The following TMEM40 variants were observed in gnomAD, a reference collection of about 807,000 sequenced individuals.
TMEM40 encodes transmembrane protein 40.
A neutral mutation model predicts 40.8 loss-of-function variants in TMEM40; 34 were observed. That is an observed-to-expected ratio of 0.83 (90% confidence interval 0.63 to 1.11). The LOEUF is 1.11. Ranked by LOEUF, TMEM40 falls within the 50% of genes least tolerant of loss-of-function variation. TMEM40 has a pLI of 0.00. For synonymous variants in TMEM40, 106 were observed against 107.0 expected (o/e 0.99, Z 0.06); for missense variants, 296 against 280.2 (o/e 1.06, Z -0.40).
chr3:12,755,458 A>G (rs2061520372), intron 1 of TMEM40, among the ~76,000 whole-genome samples: 1 of 151,548 alleles, frequency 6.6e-6, no homozygotes, highest in Non-Finnish European at 1.5e-5. Flanking sequence ...GCCTCAATAT[A>G]TAAAATAATA....
chr3:12,735,002 G>C (rs928516583), intron 11 of TMEM40, among the ~76,000 whole-genome samples: 1 of 152,158 alleles, frequency 6.6e-6, no homozygotes, highest in African/African-American at 2.4e-5. Flanking sequence ...CCCCAGCACA[G>C]CCACACAGCC....
At chr3:12,767,652 C>G (rs2061600195) in intron 1 of TMEM40, among the ~76,000 whole-genome samples, 1 of 152,172 alleles carries the variant, frequency 6.6e-6, no homozygotes, top group African/African-American at 2.4e-5. Flanking sequence ...ATGGGCAAGA[C>G]TCCTCTGAAC....
chr3:12,760,340 A>G (rs1457215099), upstream of TMEM40, among the ~76,000 whole-genome samples: 1 of 151,982 alleles, frequency 6.6e-6, no homozygotes, highest in Non-Finnish European at 1.5e-5. Context: ...AAGGTCTTAC[A>G]AGCCCCTGCG....
chr3:12,737,503 C>A (rs866596595), intron 8 of TMEM40: 2 of 609,978 alleles, frequency 3.3e-6, no homozygotes, highest in African/African-American at 1.9e-5. Context: ...CACTCCCCAA[C>A]CTTGAACCTC....
chr3:12,763,196 G>C (rs945858742), upstream of TMEM40, among the ~76,000 whole-genome samples: 1 of 149,776 alleles, frequency 6.7e-6, no homozygotes, highest in African/African-American at 2.5e-5. Flanking sequence ...TTAAATGCCT[G>C]GCACATAGTA....
At chr3:12,745,669 G>A (rs981812946) in intron 3 of TMEM40, among the ~76,000 whole-genome samples, 8 of 152,028 alleles carry the variant, frequency 5.3e-5, no homozygotes, top group African/African-American at 1.9e-4. Flanking sequence ...CGCTGGTCTC[G>A]AACTCCTGGA....
chr3:12,749,262 G>A (rs1181398667), intron 2 of TMEM40, among the ~76,000 whole-genome samples: 1 of 152,122 alleles, frequency 6.6e-6, no homozygotes, highest in East Asian at 1.9e-4. Flanking sequence ...CTGACCTTCT[G>A]ATCTGCCCGC....
rs182730167 is a variant in TMEM40 at position 12,749,562 on chromosome 3, T to A, written c.73+198A>T. On this transcript the variant is annotated intron_variant, in intron 2 of 11. Coordinates refer to ENST00000314124, the MANE Select transcript of TMEM40 (RefSeq NM_018306.4). Reference sequence around the variant, plus strand: ...TTTGGCAAGCAGCTGAGGGTCCCCATAGCTAGACAGCACAGGAGGACAGAT... The same window carrying A: ...TTTGGCAAGCAGCTGAGGGTCCCCAAAGCTAGACAGCACAGGAGGACAGAT... Among the ~76,000 whole-genome samples the A allele has an allele frequency of 2.2e-3, 330 of 152,296 alleles. 1 individual carries two copies. Among genetic ancestry groups the A allele is most frequent in the African/African-American group, 7.4e-3 (308 of 41,576 alleles).
chr3:12,767,816 A>G (rs2061600968), intron 1 of TMEM40, among the ~76,000 whole-genome samples: 1 of 152,096 alleles, frequency 6.6e-6, no homozygotes, highest in African/African-American at 2.4e-5. Flanking sequence ...TACTGGGGCT[A>G]GTTTGTGTCC....
intron 1 of TMEM40, among the ~76,000 whole-genome samples, chr3:12,754,890 A>T (rs2061506974): frequency 6.6e-6 from 1 of 152,202 alleles, no homozygotes; most frequent in Non-Finnish European, 1.5e-5. Flanking sequence ...TACCTTGAGG[A>T]AGTCACCAGA....
Position 12,736,800 on chromosome 3 carries a change from T to A in TMEM40, c.508A>T (p.Ile170Phe), listed in dbSNP as rs550278148. The change falls in exon 9 of 12, where the codon ATC becomes TTC. Residue 170 changes from isoleucine (I) to phenylalanine (F), a missense_variant. Physicochemically the swap from Ile to Phe is conservative, Grantham distance 21. Coordinates refer to ENST00000314124, the MANE Select transcript of TMEM40 (RefSeq NM_018306.4). ...FFHFVLLCFA[I>F]GALLVCYHYY... ...TGATAACACACCAGCAAGGCCCCGA[T>A]GGCAAAGCACAGGAGGACGAAATGG... The A allele has an allele frequency of 1.2e-6, 2 of 1,613,988 alleles. No homozygotes were observed. Among genetic ancestry groups the A allele is most frequent in the African/African-American group, 2.7e-5 (2 of 74,904 alleles).
intron 1 of TMEM40, among the ~76,000 whole-genome samples, chr3:12,751,858 AC>A (rs2106617349): frequency 6.6e-6 from 1 of 152,162 alleles, no homozygotes; most frequent in East Asian, 1.9e-4. Context: ...TGTCAGATAG[AC>A]CGAAGTTTAC....
At chr3:12,764,513 T>C (rs1355521697) in intron 1 of TMEM40, among the ~76,000 whole-genome samples, 1 of 152,214 alleles carries the variant, frequency 6.6e-6, no homozygotes, top group Non-Finnish European at 1.5e-5. Context: ...CTTAAATCCA[T>C]GTTTGAAGTG....
intron 1 of TMEM40, among the ~76,000 whole-genome samples, chr3:12,758,018 T>C (rs996493038): frequency 3.3e-5 from 5 of 151,736 alleles, no homozygotes; most frequent in African/African-American, 4.8e-5. Context: ...TTATACACTT[T>C]TAAAGGGTGA....
At chr3:12,736,518 T>C (rs1012522463) in intron 10 of TMEM40, 60 bp downstream of exon 10, 2 of 1,525,294 alleles carry the variant, frequency 1.3e-6, no homozygotes, top group African/African-American at 2.8e-5. Context: ...AAAATGAATA[T>C]TTCTACCCAC....
intron 8 of TMEM40, 143 bp from the exon 9 acceptor site, chr3:12,736,978 A>C (rs1047491328): frequency 2.9e-5 from 31 of 1,052,966 alleles, no homozygotes; most frequent in Middle Eastern, 2.7e-4. Flanking sequence ...TCCTGGGCTT[A>C]AGCAATTCTC....
At chr3:12,758,264 C>A (rs1404439486) in intron 1 of TMEM40, among the ~76,000 whole-genome samples, 5 of 152,168 alleles carry the variant, frequency 3.3e-5, no homozygotes, top group Non-Finnish European at 7.3e-5. Context: ...TAGGGCTACA[C>A]TAGCTTGAGT....
intron 11 of TMEM40, 40 bp from the exon 12 acceptor site, chr3:12,734,833 G>A: frequency 6.3e-7 from 1 of 1,584,718 alleles, no homozygotes; most frequent in Admixed American, 1.8e-5. Context: ...GGATTCTGAA[G>A]GCAGCCAGGC....
chr3:12,749,246 G>C (rs943272492), intron 2 of TMEM40, among the ~76,000 whole-genome samples: 1 of 151,918 alleles, frequency 6.6e-6, no homozygotes, highest in Non-Finnish European at 1.5e-5. Flanking sequence ...GGATGGTCTC[G>C]ATCTCCTGAC....
Sources: gnomAD v4.1 joint callset for allele counts (sites outside exome capture counted in the v4.1 genomes callset) on GRCh38, gnomAD v4.1.1 for gene constraint, MANE v1.5 for transcripts, NCBI Gene and HGNC (gene_info 2026-07-23, HGNC 2026-07-21) for gene names.